ATXN7L3: variants seen among roughly 807,000 people sequenced by gnomAD.
The protein encoded by ATXN7L3 is ataxin-7-like protein 3.
Under a neutral mutation model 50.0 loss-of-function variants are expected in ATXN7L3, and 6 were observed. The observed-to-expected ratio is 0.12, with a 90% CI of 0.07 to 0.24. The LOEUF is 0.24. Among genes scored for constraint, ATXN7L3 ranks in the 10% least tolerant of loss-of-function variants. The pLI is 1.00. For missense variants in ATXN7L3, 322 were observed against 451.3 expected (o/e 0.71, Z 2.60); for synonymous variants, 198 against 165.8 (o/e 1.19, Z -1.49).
At chr17:44,196,294 A>G (rs73983956) in intron 6 of ATXN7L3, 102 bp downstream of exon 6, 24,133 of 1,176,930 alleles carry the variant, frequency 0.021, 355 homozygotes, top group South Asian at 0.053. Flanking sequence ...CAAGCCCCCA[A>G]TGACCTCAGC....
intron 10 of ATXN7L3, 37 bp downstream of exon 10, chr17:44,195,060 G>A: frequency 6.2e-7 from 1 of 1,611,466 alleles, no homozygotes; most frequent in Non-Finnish European, 8.5e-7. Flanking sequence ...TGAGTGTGCA[G>A]GAAGCGCCTG....
rs1282305426 is a variant in ATXN7L3 at position 44,192,193 on chromosome 17, AACTAC to A, written c.*2065_*2069del. On this transcript the variant is annotated 3_prime_UTR_variant, in exon 13 of 13. Coordinates refer to ENST00000587097, the MANE Select transcript of ATXN7L3 (RefSeq NM_001382309.1). ...AGTGGGGAGCTCCTAGCCCCTGTTC[AACTAC>A]ATGGTAGGGGGGGCACTCTCTCCCC... 2.9e-5 allele frequency: 2 copies of A among 67,960 alleles called. No individual in the cohort carries two copies. The highest frequency in any genetic ancestry group is 1.6e-4 in the African/African-American group (2 of 12,490). The allele number at this position is 67,960 out of a possible 1,614,324, so 4.2% of individuals were successfully genotyped here.
At chr17:44,197,895 C>CAAAA in intron 2 of ATXN7L3, 125 bp downstream of exon 2, 1 of 1,507,364 alleles carries the variant, frequency 6.6e-7, no homozygotes, top group Non-Finnish European at 9.1e-7. Flanking sequence ...TTGGCTTTTT[C>CAAAA]AGCTGGCTAT....
In ATXN7L3 at chr17:44,198,077, A is replaced by G. The variant is rs1347961662; in HGVS notation, c.-7T>C. The G allele has an allele frequency of 6.2e-7, 1 of 1,613,616 alleles. No individual in the cohort carries two copies. Among genetic ancestry groups the G allele is most frequent in the Non-Finnish European group, 8.5e-7 (1 of 1,179,858 alleles). ...ACATTTCCTCCATTTTCATTTGTAAACTCTTGTGGAGACGGCGCTCTGACT... is the reference window on the plus strand; with the variant it reads ...ACATTTCCTCCATTTTCATTTGTAAGCTCTTGTGGAGACGGCGCTCTGACT... On this transcript the variant is annotated 5_prime_UTR_variant, in exon 2 of 13. Coordinates refer to ENST00000587097, the MANE Select transcript of ATXN7L3 (RefSeq NM_001382309.1).
intron 2 of ATXN7L3, 101 bp downstream of exon 2, chr17:44,197,919 C>G: frequency 6.5e-7 from 1 of 1,529,304 alleles, no homozygotes; most frequent in South Asian, 1.1e-5. Flanking sequence ...CTTTAAGGAA[C>G]AAGGCTGACT....
Position 44,191,883 on chromosome 17 carries a change from C to T in ATXN7L3, c.*2380G>A. 3.4e-6 allele frequency: 1 copy of T among 295,906 alleles called. No homozygotes were observed. Among genetic ancestry groups the T allele is most frequent in the Non-Finnish European group, 5.0e-6 (1 of 199,612 alleles). 18.3% of individuals were successfully genotyped at this position (295,906 alleles called of 1,614,324 possible). A position where few individuals can be genotyped will look rare whatever the true frequency, so the allele number is the denominator to read the frequency against. ...TACACAGCGTTTACAAAGTTAGCTA[C>T]CTGTACAGAATGGATTACATATGCA... On this transcript the variant is annotated 3_prime_UTR_variant, in exon 13 of 13. Transcript: ENST00000587097.
At chr17:44,194,927 G>A (rs1567773281) in intron 10 of ATXN7L3, 88 bp from the exon 11 acceptor site, 2 of 1,524,780 alleles carry the variant, frequency 1.3e-6, no homozygotes, top group Non-Finnish European at 1.8e-6. Context: ...GCACAGACAG[G>A]GAAGGGGTGA....
At chr17:44,194,696 G>A (rs1288178426) in intron 11 of ATXN7L3, 22 bp from the exon 12 acceptor site, 5 of 1,613,694 alleles carry the variant, frequency 3.1e-6, no homozygotes, top group Admixed American at 1.7e-5. Flanking sequence ...ATGAGCCAAA[G>A]AAGGGCTTTA....
chr17:44,195,155 T>G lies in ATXN7L3; in HGVS notation c.622-15A>C, dbSNP rs534531969. On this transcript the variant is annotated splice_polypyrimidine_tract_variant and intron_variant, in intron 9 of 12. Coordinates refer to ENST00000587097, the MANE Select transcript of ATXN7L3 (RefSeq NM_001382309.1). The stretch of plus-strand genomic sequence containing the variant: ...ACCCCACATTGCTGGAAGAGGAATA[T>G]AAGCTGAAAGGAGGGATGGAAGGAA... The G allele has an allele frequency of 1.9e-6, 3 of 1,613,410 alleles. No homozygotes were observed. The South Asian group carries it at 3.3e-5, about 18-fold the overall frequency.
chr17:44,196,258 C>A, intron 6 of ATXN7L3, 138 bp downstream of exon 6: 1 of 1,050,476 alleles, frequency 9.5e-7, no homozygotes, highest in South Asian at 1.5e-5. Flanking sequence ...CACACTCCCC[C>A]GCCCCGGACC....
Position 44,196,910 on chromosome 17 carries a change from TCCCCAGATC to T in ATXN7L3, c.454+10_454+18del. 1 of 1,587,332 alleles carries T rather than the reference TCCCCAGATC, an allele frequency of 6.3e-7. No homozygotes were observed. Among genetic ancestry groups the T allele is most frequent in the South Asian group, 1.1e-5 (1 of 90,438 alleles). The stretch of plus-strand genomic sequence containing the variant: ...ACCTCATCCCAATGCCCCCCGGGTT[TCCCCAGATC>T]CCCAAGCACCTTTCTTCTCCGAGCC... On this transcript the variant is annotated intron_variant, in intron 5 of 12. Transcript: ENST00000587097.
chr17:44,193,990 C>T lies in ATXN7L3; in HGVS notation c.*273G>A. 1 of 426,028 alleles carries T rather than the reference C, an allele frequency of 2.3e-6. No homozygotes were observed. The highest frequency in any genetic ancestry group is 4.2e-6 in the Non-Finnish European group (1 of 236,400). The allele number at this position is 426,028 out of a possible 1,614,324, so 26.4% of individuals were successfully genotyped here. A position where few individuals can be genotyped will look rare whatever the true frequency, so the allele number is the denominator to read the frequency against. On this transcript the variant is annotated 3_prime_UTR_variant, in exon 13 of 13. Transcript: ENST00000587097. ...CCTGGCCTAGCTGGACATCCAGTAA[C>T]TCACAGAATAAATAGGAAAACCGCC...
chr17:44,192,385 A>G lies in ATXN7L3; in HGVS notation c.*1878T>C, dbSNP rs2055721725. ...CTACTTCCCACTTCTCCCTCCTCCA[A>G]CCAGAAGGGGGGAAAAGGGAGAGGC... On this transcript the variant is annotated 3_prime_UTR_variant, in exon 13 of 13. Transcript: ENST00000587097. 1 of 152,286 alleles carries G rather than the reference A, an allele frequency of 6.6e-6. No homozygotes were observed. Among genetic ancestry groups the G allele is most frequent in the Non-Finnish European group, 1.5e-5 (1 of 68,100 alleles). 9.4% of individuals were successfully genotyped at this position (152,286 alleles called of 1,614,324 possible).
chr17:44,196,231 C>CCCCCCCCA, intron 6 of ATXN7L3, 152 bp from the exon 7 acceptor site: 1 of 792,744 alleles, frequency 1.3e-6, no homozygotes. Flanking sequence ...TGCCCTCCCC[C>CCCCCCCCA]ACCCCCCTTC....
intron 4 of ATXN7L3, 44 bp downstream of exon 4, chr17:44,197,184 C>T: frequency 6.4e-7 from 1 of 1,574,728 alleles, no homozygotes; most frequent in Non-Finnish European, 8.6e-7. Flanking sequence ...GGGGACTACA[C>T]CATGGCACAG....
chr17:44,194,650 G>A lies in ATXN7L3; in HGVS notation c.762C>T (p.Ser254=), dbSNP rs1487836076. 2.4e-5 allele frequency: 38 copies of A among 1,614,008 alleles called. No individual in the cohort carries two copies. Among genetic ancestry groups the A allele is most frequent in the South Asian group, 3.3e-5 (3 of 91,086 alleles). ...TCATGTCAAAGCTGTCATTATCCAG[G>A]GAGCTCTCGACCTCTGGAAGGACAC... ...PSAVLPEVES[S]LDNDSFDMTD... The change falls in exon 12 of 13, where the codon TCC becomes TCT. Residue 254 remains serine, a synonymous_variant. Coordinates refer to ENST00000587097, the MANE Select transcript of ATXN7L3 (RefSeq NM_001382309.1).
rs2055658508 is a variant in ATXN7L3 at position 44,191,882 on chromosome 17, A to G, written c.*2381T>C. ...ATACACAGCGTTTACAAAGTTAGCT[A>G]CCTGTACAGAATGGATTACATATGC... is the stretch of plus-strand genomic sequence containing the variant. On this transcript the variant is annotated 3_prime_UTR_variant, in exon 13 of 13. Coordinates refer to ENST00000587097, the MANE Select transcript of ATXN7L3 (RefSeq NM_001382309.1). 1 of 296,378 alleles carries G rather than the reference A, an allele frequency of 3.4e-6. No individual in the cohort carries two copies. Among genetic ancestry groups the G allele is most frequent in the African/African-American group, 2.3e-5 (1 of 43,704 alleles). The allele number at this position is 296,378 out of a possible 1,614,324, so 18.4% of individuals were successfully genotyped here.
chr17:44,195,351 G>A (rs1244302328), intron 9 of ATXN7L3, 68 bp downstream of exon 9: 48 of 1,522,472 alleles, frequency 3.2e-5, no homozygotes, highest in Non-Finnish European at 2.7e-6. Flanking sequence ...CTTCCTCCCA[G>A]GCCTTGACCA....
At chr17:44,198,642 G>A (rs1021547754) in intron 1 of ATXN7L3, 3 of 152,490 alleles carry the variant, frequency 2.0e-5, no homozygotes, top group Non-Finnish European at 2.9e-5. Context: ...ACCCCACTCT[G>A]TCTTCCCTTG....
Sources: gnomAD v4.1 joint callset for allele counts on GRCh38, gnomAD v4.1.1 for gene constraint, MANE v1.5 for transcripts, NCBI Gene and HGNC (gene_info 2026-07-23, HGNC 2026-07-21) for gene names.